CEP120: variants seen among roughly 807,000 people sequenced by gnomAD.
CEP120 encodes the protein centrosomal protein of 120 kDa.
CEP120 carries 113 observed loss-of-function variants against 126.5 expected under a neutral mutation model. That is an observed-to-expected ratio of 0.89 (90% CI 0.77 to 1.04). The LOEUF (loss-of-function observed/expected upper bound fraction) is 1.04. Among genes scored for constraint, CEP120 ranks in the 50% least tolerant of loss-of-function variants. CEP120 has a pLI of 0.00. For missense variants in CEP120, 1,230 were observed against 1,155.7 expected (o/e 1.06, Z -0.93); for synonymous variants, 400 against 394.3 (o/e 1.01, Z -0.17).
At chr5:123,370,409 C>A (rs888624176) in intron 17 of CEP120, among the ~76,000 whole-genome samples, 3 of 152,028 alleles carry the variant, frequency 2.0e-5, no homozygotes, top group Non-Finnish European at 4.4e-5. Flanking sequence ...GTACTCTTGG[C>A]TGTGACTGTT....
intron 4 of CEP120, chr5:123,403,378 T>C (rs1183212542): frequency 4.5e-6 from 2 of 444,060 alleles, no homozygotes; most frequent in African/African-American, 2.0e-5. Context: ...CAAAGAATCA[T>C]GGAGACATTC....
chr5:123,416,326 T>C (rs1052756822), intron 2 of CEP120, among the ~76,000 whole-genome samples: 27 of 150,526 alleles, frequency 1.8e-4, no homozygotes, highest in African/African-American at 6.6e-4. Flanking sequence ...ACTTTGGGAG[T>C]TCGAGGAGGG....
At chr5:123,392,115 G>C (rs1435070773) in intron 6 of CEP120, among the ~76,000 whole-genome samples, 1 of 152,134 alleles carries the variant, frequency 6.6e-6, no homozygotes, top group East Asian at 1.9e-4. Flanking sequence ...AAAGAGTTAA[G>C]AGAGACCTGT....
chr5:123,412,995 G>A (rs1023981868), intron 3 of CEP120, among the ~76,000 whole-genome samples: 2 of 152,048 alleles, frequency 1.3e-5, no homozygotes, highest in Admixed American at 6.6e-5. Flanking sequence ...ATCTTGGATG[G>A]GTGGCTCATG....
chr5:123,396,008 T>A (rs1382659405), intron 5 of CEP120, among the ~76,000 whole-genome samples: 2 of 140,652 alleles, frequency 1.4e-5, no homozygotes, highest in East Asian at 2.1e-4. Flanking sequence ...TTTTTTTTTT[T>A]ACTATAAAGA....
chr5:123,399,030 T>TA lies in CEP120; in HGVS notation c.612+105dup, dbSNP rs11419318. On this transcript the variant is annotated intron_variant, in intron 5 of 19. Transcript: ENST00000306467. ...TGTTTTGAACTCATTTTTCAAAAGT[T>TA]AAAAAAAAAAAGTCTACTTGCAAGT... The TA allele has an allele frequency of 0.37, 244,332 of 665,784 alleles. 21,827 individuals are homozygous for TA. Among genetic ancestry groups the TA allele is most frequent in the African/African-American group, 0.43 (23,097 of 53,298 alleles). The allele number at this position is 665,784 out of a possible 1,614,324, so 41.2% of individuals were successfully genotyped here. A position where few individuals can be genotyped will look rare whatever the true frequency, so the allele number is the denominator to read the frequency against.
intron 8 of CEP120, among the ~76,000 whole-genome samples, chr5:123,389,209 C>G (rs1772222542): frequency 6.6e-6 from 1 of 152,136 alleles, no homozygotes. Context: ...TTTATTAAAT[C>G]AGATAAATAT....
At position 123,418,464 on chromosome 5, in the gene CEP120, A is replaced by C; in HGVS notation, c.101T>G (p.Phe34Cys). Residue 34 changes from phenylalanine (F) to cysteine (C), a missense_variant, in exon 2 of 20, where the codon TTT (phenylalanine) becomes TGT (cysteine). By Grantham distance (205) the Phe-to-Cys change is radical. Transcript: ENST00000306467. ...PKHMLVVEAK[F>C]DGEQLATDPV... ...ATCAGTAGCCAACTGTTCTCCATCA[A>C]ACTTTGCTTCCACTACAAGCATATG... 1.9e-6 allele frequency: 3 copies of C among 1,611,770 alleles called. No individual in the cohort carries two copies. The highest frequency in any genetic ancestry group is 1.7e-6 in the Non-Finnish European group (2 of 1,178,294).
chr5:123,383,185 T>G (rs1477524231), intron 11 of CEP120, 103 bp from the exon 12 acceptor site: 5 of 666,566 alleles, frequency 7.5e-6, no homozygotes. Flanking sequence ...AGCAACATTT[T>G]CTGCTCCTAA....
At chr5:123,379,300 C>T (rs181536868) in intron 14 of CEP120, among the ~76,000 whole-genome samples, 8 of 152,114 alleles carry the variant, frequency 5.3e-5, no homozygotes, top group East Asian at 3.9e-4. Flanking sequence ...TTTTGGCTTT[C>T]GTTTTTTATA....
chr5:123,396,755 A>G (rs1772817042), intron 5 of CEP120, among the ~76,000 whole-genome samples: 1 of 152,234 alleles, frequency 6.6e-6, no homozygotes, highest in Non-Finnish European at 1.5e-5. Context: ...CAAACTCATT[A>G]AGAGGCAAGA....
chr5:123,388,842 T>C (rs1041926299), intron 8 of CEP120, among the ~76,000 whole-genome samples: 11 of 152,194 alleles, frequency 7.2e-5, no homozygotes, highest in Non-Finnish European at 7.4e-5. Context: ...TCAATACATA[T>C]AGAAAACGTA....
At chr5:123,420,750 A>G (rs942723216) in intron 1 of CEP120, among the ~76,000 whole-genome samples, 2 of 152,394 alleles carry the variant, frequency 1.3e-5, no homozygotes, top group African/African-American at 4.8e-5. Flanking sequence ...ACAGTAAGTT[A>G]GGTGGATAAT....
chr5:123,422,461 A>T, intron 1 of CEP120: 1 of 1,512,728 alleles, frequency 6.6e-7, no homozygotes, highest in African/African-American at 1.4e-5. Context: ...TTCATCCAAA[A>T]CACACCTTTT....
At chr5:123,350,146 A>G in intron 18 of CEP120, 57 bp from the exon 19 acceptor site, 4 of 1,464,680 alleles carry the variant, frequency 2.7e-6, no homozygotes, top group South Asian at 1.3e-5. Flanking sequence ...AATATTTTAT[A>G]TGACTTTGAC....
chr5:123,345,111 C>T lies in CEP120; in HGVS notation c.*1408G>A, dbSNP rs1768719007. The T allele has an allele frequency of 1.3e-5, 2 of 152,144 alleles. No individual in the cohort carries two copies. The highest frequency in any genetic ancestry group is 4.1e-4 in the South Asian group (2 of 4,826). The allele number at this position is 152,144 out of a possible 1,614,324, so 9.4% of individuals were successfully genotyped here. On this transcript the variant is annotated 3_prime_UTR_variant, in exon 20 of 20. Transcript: ENST00000306467. The stretch of plus-strand genomic sequence containing the variant: ...ACCTTCCAAAACATAAGGCTTGCTT[C>T]TGTTCCATTCAAGTGGCACAAAAAT...
intron 11 of CEP120, 48 bp downstream of exon 11, chr5:123,384,903 C>A (rs1410020956): frequency 1.4e-5 from 21 of 1,476,940 alleles, no homozygotes; most frequent in Non-Finnish European, 1.8e-5. Flanking sequence ...CAAAATCATT[C>A]CATGAATTGA....
intron 3 of CEP120, among the ~76,000 whole-genome samples, chr5:123,415,196 A>G (rs1192540325): frequency 6.6e-6 from 1 of 152,068 alleles, no homozygotes. Context: ...CTATTATGAT[A>G]GCCAAGGTAA....
intron 4 of CEP120, among the ~76,000 whole-genome samples, chr5:123,400,729 A>G (rs1773150541): frequency 7.0e-6 from 1 of 142,052 alleles, no homozygotes; most frequent in African/African-American, 2.6e-5. Flanking sequence ...AAGCAACTGA[A>G]TTGTTTTGTA....
Sources: gnomAD v4.1 joint callset for allele counts (sites outside exome capture counted in the v4.1 genomes callset) on GRCh38, gnomAD v4.1.1 for gene constraint, MANE v1.5 for transcripts, NCBI Gene and HGNC (gene_info 2026-07-23, HGNC 2026-07-21) for gene names.